Variants in TRAPPC12 observed in about 807,000 individuals in gnomAD.
TRAPPC12 encodes trafficking protein particle complex subunit 12.
In TRAPPC12, 61 loss-of-function variants were observed where a neutral mutation model predicts 69.2. The ratio of observed to expected loss-of-function variants is 0.88; its 90% CI spans 0.72 to 1.09. TRAPPC12 has a LOEUF of 1.09. Among genes scored for constraint, TRAPPC12 ranks in the 50% least tolerant of loss-of-function variants. The pLI, the probability that TRAPPC12 is intolerant of heterozygous loss-of-function variation, is 0.00. For synonymous variants in TRAPPC12, 469 were observed against 438.9 expected (o/e 1.07, Z -0.86); for missense variants, 1,101 against 1,016.4 (o/e 1.08, Z -1.13).
intron 4 of TRAPPC12, among the ~76,000 whole-genome samples, chr2:3,422,285 A>G (rs1375206182): frequency 6.6e-6 from 1 of 152,164 alleles, no homozygotes. Flanking sequence ...TGGCAGTAGC[A>G]ACTGGCCTGT....
At chr2:3,440,318 A>G (rs187508838) in intron 5 of TRAPPC12, among the ~76,000 whole-genome samples, 219 of 152,324 alleles carry the variant, frequency 1.4e-3, no homozygotes, top group African/African-American at 5.1e-3. Flanking sequence ...CTTCCTGTCC[A>G]TGAATGTGGA....
chr2:3,382,512 C>T (rs1041336030), intron 1 of TRAPPC12, among the ~76,000 whole-genome samples: 4 of 152,164 alleles, frequency 2.6e-5, no homozygotes, highest in African/African-American at 9.7e-5. Flanking sequence ...TTACACTGCT[C>T]ATGTACAGGA....
chr2:3,426,358 G>A lies in TRAPPC12; in HGVS notation c.1417+1695G>A, dbSNP rs560208545. 6.6e-5 allele frequency among the ~76,000 whole-genome samples: 10 copies of A among 152,316 alleles called. No individual in the cohort carries two copies. The East Asian group carries it at 1.2e-3, about 18-fold the overall frequency. The stretch of plus-strand genomic sequence containing the variant: ...GACCAGCAACACCACTATCACTCTC[G>A]GACGTAGGACTCTGTGTCATCCAGG... On this transcript the variant is annotated intron_variant, in intron 5 of 11. Transcript: ENST00000324266.
chr2:3,406,761 G>T (rs1187263568), intron 3 of TRAPPC12, among the ~76,000 whole-genome samples: 2 of 152,198 alleles, frequency 1.3e-5, no homozygotes, highest in African/African-American at 4.8e-5. Flanking sequence ...CTGGCAGCAT[G>T]ACAGGGCTTT....
intron 9 of TRAPPC12, among the ~76,000 whole-genome samples, chr2:3,466,763 A>G (rs4641970): frequency 0.49 from 74,503 of 151,980 alleles, 19,666 homozygotes; most frequent in African/African-American, 0.69. Flanking sequence ...GAATAACCCC[A>G]GGCAGGCACA....
At chr2:3,393,074 C>T (rs993228175) in intron 2 of TRAPPC12, among the ~76,000 whole-genome samples, 1 of 151,852 alleles carries the variant, frequency 6.6e-6, no homozygotes, top group Non-Finnish European at 1.5e-5. Context: ...GGCACCACTG[C>T]ACTCCAGCAT....
chr2:3,460,440 G>T, intron 8 of TRAPPC12, 104 bp downstream of exon 8: 1 of 708,212 alleles, frequency 1.4e-6, no homozygotes. Context: ...GGGACCGGCC[G>T]TGCAGAGAAG....
intron 5 of TRAPPC12, among the ~76,000 whole-genome samples, chr2:3,433,132 C>G (rs899448200): frequency 6.6e-6 from 1 of 152,064 alleles, no homozygotes; most frequent in African/African-American, 2.4e-5. Flanking sequence ...TGTGCTTGGC[C>G]GGGCACAGAC....
intron 3 of TRAPPC12, among the ~76,000 whole-genome samples, chr2:3,418,339 G>A (rs1336173428): frequency 1.5e-5 from 2 of 137,834 alleles, no homozygotes; most frequent in Non-Finnish European, 3.1e-5. Flanking sequence ...TACACATAAA[G>A]TTCTCTGTCA....
At chr2:3,467,269 A>C (rs1211436091) in intron 9 of TRAPPC12, among the ~76,000 whole-genome samples, 2 of 152,184 alleles carry the variant, frequency 1.3e-5, no homozygotes, top group African/African-American at 4.8e-5. Context: ...TTGCCAAAGG[A>C]GAATGGAGAA....
rs116691923 is a variant in TRAPPC12 at position 3,446,838 on chromosome 2, T to C, written c.1530+2947T>C. Among the ~76,000 whole-genome samples, 481 of 152,340 alleles carry C rather than the reference T, an allele frequency of 3.2e-3. 1 individual carries two copies. The highest frequency in any genetic ancestry group is 5.2e-3 in the Non-Finnish European group (353 of 68,034). Reference sequence around the variant, plus strand: ...CGCCCTCAGTGAGTTTACAGTTTGGTAGACGATGCTTGTTTCACCTGTTCC... The same window carrying C: ...CGCCCTCAGTGAGTTTACAGTTTGGCAGACGATGCTTGTTTCACCTGTTCC... On this transcript the variant is annotated intron_variant, in intron 6 of 11. Coordinates refer to ENST00000324266, the MANE Select transcript of TRAPPC12 (RefSeq NM_016030.6).
chr2:3,478,795 C>A, intron 10 of TRAPPC12, 51 bp from the exon 11 acceptor site: 1 of 1,525,090 alleles, frequency 6.6e-7, no homozygotes, highest in Non-Finnish European at 9.1e-7. Context: ...TGTTGGGGGA[C>A]AGCAGCTCCT....
chr2:3,414,630 C>T lies in TRAPPC12; in HGVS notation c.1165-7251C>T, dbSNP rs1662244688. 6.6e-6 allele frequency among the ~76,000 whole-genome samples: 1 copy of T among 152,092 alleles called. No individual in the cohort carries two copies. The highest frequency in any genetic ancestry group is 2.1e-4 in the South Asian group (1 of 4,816). ...TTCCTGAATCCTCAGGCATCAGTGC[C>T]TCACAGAGCTGTGTGCCAGCAGTGT... On this transcript the variant is annotated intron_variant, in intron 3 of 11. Transcript: ENST00000324266. The surrounding 1 kb of genome is among the most constrained non-coding windows in gnomAD (Gnocchi z 4.9).
At chr2:3,465,494 C>T in intron 8 of TRAPPC12, 103 bp from the exon 9 acceptor site, 2 of 792,626 alleles carry the variant, frequency 2.5e-6, no homozygotes, top group East Asian at 5.0e-5. Context: ...GTCAGCGTGT[C>T]CTCTCTCTAC....
chr2:3,428,321 A>G (rs987078004), intron 5 of TRAPPC12, among the ~76,000 whole-genome samples: 5 of 152,234 alleles, frequency 3.3e-5, no homozygotes, highest in African/African-American at 1.2e-4. Context: ...CATCCTCAAT[A>G]ATATGCTGGA....
chr2:3,450,474 T>C (rs918785808), intron 6 of TRAPPC12, among the ~76,000 whole-genome samples: 5 of 152,200 alleles, frequency 3.3e-5, no homozygotes, highest in African/African-American at 7.2e-5. Context: ...AAGTGCCGGC[T>C]GCATGACCAG....
intron 2 of TRAPPC12, among the ~76,000 whole-genome samples, chr2:3,389,498 G>C (rs753545560): frequency 6.6e-6 from 1 of 152,258 alleles, no homozygotes; most frequent in South Asian, 2.1e-4. Context: ...GGGGAACACC[G>C]TGGCGCCCGA....
chr2:3,379,795 C>T lies in TRAPPC12; in HGVS notation c.-86C>T, dbSNP rs915945309. 6.6e-6 allele frequency: 1 copy of T among 152,388 alleles called. No individual in the cohort carries two copies. The highest frequency in any genetic ancestry group is 1.5e-5 in the Non-Finnish European group (1 of 68,242). The allele number at this position is 152,388 out of a possible 1,614,324, so 9.4% of individuals were successfully genotyped here. A position where few individuals can be genotyped will look rare whatever the true frequency, so the allele number is the denominator to read the frequency against. On this transcript the variant is annotated 5_prime_UTR_variant, in exon 1 of 12. Coordinates refer to ENST00000324266, the MANE Select transcript of TRAPPC12 (RefSeq NM_016030.6). The stretch of plus-strand genomic sequence containing the variant: ...CGGGGGTGCCAGTTCCTCTCCGATT[C>T]CCGGCTTCTGTCACCTTCCTCACGG...
At chr2:3,413,732 C>T (rs1286879873) in intron 3 of TRAPPC12, among the ~76,000 whole-genome samples, 1 of 152,062 alleles carries the variant, frequency 6.6e-6, no homozygotes, top group African/African-American at 2.4e-5. Flanking sequence ...TGTACTATTC[C>T]ACAGTGTGCA....
Sources: gnomAD v4.1 joint callset for allele counts (sites outside exome capture counted in the v4.1 genomes callset) on GRCh38, gnomAD v4.1.1 for gene constraint, Gnocchi (gnomAD v3.1) non-coding constraint, MANE v1.5 for transcripts, NCBI Gene and HGNC (gene_info 2026-07-23, HGNC 2026-07-21) for gene names.